The following CDR2 variants were observed in gnomAD, a reference collection of about 807,000 sequenced individuals.
CDR2 encodes the protein cerebellar degeneration-related protein 2.
CDR2 carries 34 observed loss-of-function variants against 48.4 expected under a neutral mutation model. The observed-to-expected ratio is 0.70, with a 90% CI of 0.53 to 0.94. CDR2 has a LOEUF of 0.94. CDR2 is among the 40% of genes least tolerant of loss of function. The pLI, the probability that CDR2 is intolerant of heterozygous loss-of-function variation, is 0.00. For synonymous variants in CDR2, 240 were observed against 219.7 expected (o/e 1.09, Z -0.82); for missense variants, 498 against 549.5 (o/e 0.91, Z 0.94).
intron 2 of CDR2, among the ~76,000 whole-genome samples, chr16:22,361,374 G>A (rs988872423): frequency 6.6e-6 from 1 of 152,222 alleles, no homozygotes; most frequent in Non-Finnish European, 1.5e-5. Context: ...ATAAAGTTTA[G>A]GGGGCCTCCT....
At chr16:22,352,748 T>C (rs977422642) in intron 2 of CDR2, among the ~76,000 whole-genome samples, 1 of 152,202 alleles carries the variant, frequency 6.6e-6, no homozygotes, top group Non-Finnish European at 1.5e-5. Flanking sequence ...GATCTGTTAG[T>C]ACCTACCATG....
Position 22,347,401 on chromosome 16 carries a change from C to G in CDR2, c.929G>C (p.Ser310Thr). The G allele has an allele frequency of 1.2e-6, 2 of 1,614,218 alleles. No homozygotes were observed. Among genetic ancestry groups the G allele is most frequent in the Non-Finnish European group, 1.7e-6 (2 of 1,180,024 alleles). The stretch of plus-strand genomic sequence containing the variant: ...CAAGCTGCTGAGGATCGTCTCACTG[C>G]TGCTGCGCTTGAGAGGCTTTCTATG... ...ESHRKPLKRSSSETILSSLAG... is the reference protein window; with the variant it reads ...ESHRKPLKRSTSETILSSLAG... Residue 310 changes from serine (S) to threonine (T), a missense_variant, in exon 5 of 5, where the codon AGC (serine) becomes ACC (threonine). Transcript: ENST00000268383.
intron 2 of CDR2, among the ~76,000 whole-genome samples, chr16:22,363,505 G>A (rs2049024383): frequency 1.3e-5 from 2 of 152,194 alleles, no homozygotes; most frequent in Admixed American, 1.3e-4. Flanking sequence ...GTTTAAAACT[G>A]TATGATGTGA....
At chr16:22,356,953 G>GAAAAA (rs1162529433) in intron 2 of CDR2, among the ~76,000 whole-genome samples, 1 of 87,564 alleles carries the variant, frequency 1.1e-5, no homozygotes, top group Admixed American at 1.3e-4. Context: ...AAAAAAAAAA[G>GAAAAA]AAAAAAAAAA....
At chr16:22,361,926 G>T (rs903479429) in intron 2 of CDR2, among the ~76,000 whole-genome samples, 2 of 130,280 alleles carry the variant, frequency 1.5e-5, no homozygotes, top group South Asian at 2.4e-4. Flanking sequence ...TTTTGAGATG[G>T]AGTCTCGCTC....
intron 2 of CDR2, among the ~76,000 whole-genome samples, chr16:22,359,845 G>A (rs1253982062): frequency 6.6e-6 from 1 of 151,636 alleles, no homozygotes; most frequent in Non-Finnish European, 1.5e-5. Flanking sequence ...TTTCAACAAA[G>A]TATTGATTAC....
chr16:22,371,935 G>A (rs892670639), intron 1 of CDR2, among the ~76,000 whole-genome samples: 3 of 151,584 alleles, frequency 2.0e-5, no homozygotes, highest in South Asian at 2.1e-4. Context: ...GCAATAGCAC[G>A]ATCTCAGCTC....
chr16:22,362,251 C>T (rs2049015396), intron 2 of CDR2, among the ~76,000 whole-genome samples: 2 of 152,100 alleles, frequency 1.3e-5, no homozygotes, highest in Non-Finnish European at 2.9e-5. Context: ...TATTTCATTT[C>T]CATGACGCTT....
intron 1 of CDR2, among the ~76,000 whole-genome samples, chr16:22,366,506 C>A (rs1247563077): frequency 6.6e-6 from 1 of 152,084 alleles, no homozygotes; most frequent in African/African-American, 2.4e-5. Context: ...TGTGAAGGAA[C>A]AGAATAAGTG....
rs368014330 is a variant in CDR2 at position 22,347,628 on chromosome 16, C to T, written c.702G>A (p.Glu234=). 1 of 1,614,190 alleles carries T rather than the reference C, an allele frequency of 6.2e-7. No individual in the cohort carries two copies. The highest frequency in any genetic ancestry group is 8.5e-7 in the Non-Finnish European group (1 of 1,180,036). The part of the protein sequence containing the change: ...GLVLKENSEL[E]QQLGATGAYR... ...AGGCACCTGTGGCCCCCAGCTGCTG[C>T]TCCAGTTCACTGTTCTCCTTTAACA... Residue 234 remains glutamate (E), a synonymous_variant, in exon 5 of 5, where the codon GAG becomes GAA. Coordinates refer to ENST00000268383, the MANE Select transcript of CDR2 (RefSeq NM_001802.2).
chr16:22,366,604 A>G (rs1269192556), intron 1 of CDR2, among the ~76,000 whole-genome samples: 2 of 152,098 alleles, frequency 1.3e-5, no homozygotes, highest in Non-Finnish European at 2.9e-5. Flanking sequence ...CTGAGTCATT[A>G]AGGAGGCTGA....
At chr16:22,360,799 G>A (rs1278440950) in intron 2 of CDR2, among the ~76,000 whole-genome samples, 2 of 140,156 alleles carry the variant, frequency 1.4e-5, no homozygotes, top group Non-Finnish European at 3.0e-5. Context: ...GCCCAGACTG[G>A]AGTGAAGTGG....
intron 2 of CDR2, among the ~76,000 whole-genome samples, chr16:22,355,872 G>A (rs1416743445): frequency 6.6e-6 from 1 of 152,090 alleles, no homozygotes; most frequent in Non-Finnish European, 1.5e-5. Context: ...ATGAGGTGTT[G>A]CCCAACTTTA....
chr16:22,369,384 TG>T (rs1312332679), intron 1 of CDR2, among the ~76,000 whole-genome samples: 14 of 152,078 alleles, frequency 9.2e-5, no homozygotes, highest in Admixed American at 8.5e-4. Context: ...CATTCAGTTA[TG>T]GAACTACCTG....
In CDR2 at chr16:22,347,813, A is replaced by AC; in HGVS notation, c.516dup (p.Tyr173ValfsTer2). 6.2e-7 allele frequency: 1 copy of AC among 1,611,124 alleles called. No homozygotes were observed. The highest frequency in any genetic ancestry group is 8.5e-7 in the Non-Finnish European group (1 of 1,178,420). ...ATCTTCTCAGCGAACACATGATCAT[A>AC]CACGAAGTGTCTAGGGAAAAAAATA... On this transcript the variant is annotated frameshift_variant, in exon 5 of 5. Transcript: ENST00000268383. LOFTEE classifies it high-confidence loss of function.
intron 1 of CDR2, among the ~76,000 whole-genome samples, chr16:22,373,471 G>T (rs2049092323): frequency 6.6e-6 from 1 of 152,182 alleles, no homozygotes. Context: ...CTCTTCTTCT[G>T]AGTGTGTGGG....
At chr16:22,369,438 G>GA (rs2049062828) in intron 1 of CDR2, among the ~76,000 whole-genome samples, 1 of 152,150 alleles carries the variant, frequency 6.6e-6, no homozygotes, top group Non-Finnish European at 1.5e-5. Context: ...TGCTCCTGCA[G>GA]AAAGAGATAC....
At chr16:22,349,120 T>G in intron 4 of CDR2, 159 bp downstream of exon 4, 1 of 702,136 alleles carries the variant, frequency 1.4e-6, no homozygotes, top group Non-Finnish European at 2.4e-6. Context: ...ATCTAAGAAC[T>G]CTGTAATTTA....
intron 1 of CDR2, among the ~76,000 whole-genome samples, chr16:22,373,215 CAG>C (rs925891496): frequency 1.8e-4 from 28 of 152,200 alleles, no homozygotes; most frequent in African/African-American, 6.0e-4. Flanking sequence ...ATAAGAAAAA[CAG>C]GGGCCCCACT....
Sources: gnomAD v4.1 joint callset for allele counts (sites outside exome capture counted in the v4.1 genomes callset) on GRCh38, gnomAD v4.1.1 for gene constraint, MANE v1.5 for transcripts, NCBI Gene and HGNC (gene_info 2026-07-23, HGNC 2026-07-21) for gene names.